Variants in CCDC32 observed in about 807,000 individuals in gnomAD.
CCDC32 encodes the protein coiled-coil domain-containing protein 32.
CCDC32 carries 9 observed loss-of-function variants against 20.1 expected under a neutral mutation model. The observed-to-expected ratio is 0.45, with a 90% confidence interval of 0.27 to 0.78. The LOEUF (loss-of-function observed/expected upper bound fraction) is 0.78, where lower values mean the gene tolerates loss of function less well. Among genes scored for constraint, CCDC32 ranks in the 30% least tolerant of loss-of-function variants. The pLI is 0.16. For synonymous variants in CCDC32, 63 were observed against 79.0 expected (o/e 0.80, Z 1.07); for missense variants, 204 against 215.5 (o/e 0.95, Z 0.33).
intron 3 of CCDC32, among the ~76,000 whole-genome samples, chr15:40,529,324 A>C (rs189516229): frequency 7.9e-5 from 12 of 152,342 alleles, no homozygotes; most frequent in African/African-American, 9.6e-5. Context: ...ACAGGAAAAG[A>C]GCACACCTTT....
At chr15:40,529,960 C>A (rs552340655), downstream of CCDC32, among the ~76,000 whole-genome samples, 12 of 151,278 alleles carry the variant, frequency 7.9e-5, no homozygotes, top group African/African-American at 2.4e-4. Context: ...TGCGCCCAGC[C>A]GGTTGGGATG....
At chr15:40,550,150 C>T (rs1889790753), downstream of CCDC32, among the ~76,000 whole-genome samples, 1 of 152,212 alleles carries the variant, frequency 6.6e-6, no homozygotes, top group African/African-American at 2.4e-5. Context: ...ATCTGCCTGG[C>T]TGCAGCCCAG....
downstream of CCDC32, among the ~76,000 whole-genome samples, chr15:40,526,784 G>C (rs1394257691): frequency 6.6e-6 from 1 of 152,120 alleles, no homozygotes; most frequent in Non-Finnish European, 1.5e-5. Context: ...ATGGTGGCAT[G>C]TGCCTGTAGT....
exon 4 of CCDC32, chr15:40,528,702 G>A (rs1296148016): frequency 5.7e-6 from 4 of 699,208 alleles, no homozygotes; most frequent in Admixed American, 4.1e-5. Context: ...TATGGGTGCA[G>A]GCCTTGTCCA....
At chr15:40,526,671 C>T (rs1378349504), downstream of CCDC32, among the ~76,000 whole-genome samples, 5 of 152,102 alleles carry the variant, frequency 3.3e-5, no homozygotes, top group South Asian at 2.1e-4. Context: ...CCAGCATTTT[C>T]GGAGGCCGAG....
chr15:40,536,688 CAG>C (rs1464996562), downstream of CCDC32: 3 of 152,336 alleles, frequency 2.0e-5, no homozygotes, highest in Admixed American at 6.5e-5. Flanking sequence ...CATCCCAGAA[CAG>C]GGGCCTCTCT....
At chr15:40,557,539 C>T (rs1373795274) in intron 2 of CCDC32, 167 bp from the exon 3 acceptor site, 1 of 614,898 alleles carries the variant, frequency 1.6e-6, no homozygotes, top group Non-Finnish European at 2.7e-6. Context: ...ATTGAACATT[C>T]TTCCTTTTTC....
downstream of CCDC32, among the ~76,000 whole-genome samples, chr15:40,530,291 CAAAAAAAAAAA>C (rs3068017): frequency 1.0e-5 from 1 of 99,562 alleles, no homozygotes; most frequent in East Asian, 2.9e-4. Flanking sequence ...AACTACATCT[CAAAAAAAAAAA>C]AAAAAAAAGT....
At chr15:40,522,558 T>C in the CCDC32 span, among the ~76,000 whole-genome samples, 26 of 152,266 alleles carry the variant, frequency 1.7e-4, no homozygotes, top group Non-Finnish European at 3.5e-4. Context: ...AAAACTGGCA[T>C]CTTAACCATG....
At chr15:40,526,300 A>G (rs4924478), downstream of CCDC32, among the ~76,000 whole-genome samples, 70,785 of 152,048 alleles carry the variant, frequency 0.47, 19,087 homozygotes, top group East Asian at 0.75. Flanking sequence ...CTCAATAAAT[A>G]TTTATTGATT....
downstream of CCDC32, chr15:40,535,519 T>C: frequency 1.0e-6 from 1 of 986,664 alleles, no homozygotes; most frequent in South Asian, 4.7e-5. Flanking sequence ...AGATTTATAG[T>C]TTTCAGGGCC....
chr15:40,548,393 G>A (rs1889709013), downstream of CCDC32, among the ~76,000 whole-genome samples: 1 of 152,168 alleles, frequency 6.6e-6, no homozygotes, highest in Non-Finnish European at 1.5e-5. Context: ...GCAGACTAGA[G>A]GGGGCTGCAA....
intron 2 of CCDC32, among the ~76,000 whole-genome samples, chr15:40,559,528 C>A (rs1032503563): frequency 6.6e-6 from 1 of 152,200 alleles, no homozygotes; most frequent in African/African-American, 2.4e-5. Flanking sequence ...GAATTTTCAT[C>A]CCCTAGGCCA....
intron 3 of CCDC32, among the ~76,000 whole-genome samples, chr15:40,545,172 A>G (rs750185607): frequency 2.0e-5 from 3 of 152,222 alleles, no homozygotes; most frequent in Admixed American, 6.5e-5. Flanking sequence ...TTGATCAGGC[A>G]CCATGCTGAA....
downstream of CCDC32, among the ~76,000 whole-genome samples, chr15:40,525,884 G>A (rs12595610): frequency 6.6e-6 from 1 of 151,922 alleles, no homozygotes; most frequent in African/African-American, 2.4e-5. Context: ...TCATACTTTG[G>A]TGTCTCTCCT....
At chr15:40,533,916 G>A (rs1032099975), downstream of CCDC32, among the ~76,000 whole-genome samples, 2 of 152,050 alleles carry the variant, frequency 1.3e-5, no homozygotes, top group Non-Finnish European at 2.9e-5. Flanking sequence ...ATATGTTCTC[G>A]CTATGCCGTT....
intron 1 of CCDC32, 23 bp downstream of exon 1, chr15:40,564,953 C>T: frequency 2.8e-6 from 2 of 701,900 alleles, no homozygotes; most frequent in Non-Finnish European, 4.8e-6. Flanking sequence ...AAACGCTGGG[C>T]ACCCCAGCCC....
chr15:40,562,744 T>C (rs761271238), intron 2 of CCDC32, 28 bp downstream of exon 2: 10 of 1,590,664 alleles, frequency 6.3e-6, no homozygotes, highest in East Asian at 4.5e-5. Flanking sequence ...AGAACTTCAA[T>C]ATGCTTCCCT....
downstream of CCDC32, among the ~76,000 whole-genome samples, chr15:40,526,827 C>T (rs929872472): frequency 2.0e-5 from 3 of 152,260 alleles, no homozygotes; most frequent in East Asian, 1.9e-4. Flanking sequence ...GCAGGAGAAT[C>T]GCTTGAACCT....
Sources: allele counts gnomAD v4.1 joint callset (sites outside exome capture counted in the v4.1 genomes callset), GRCh38; gene constraint gnomAD v4.1.1; transcripts MANE v1.5; gene names NCBI Gene and HGNC (gene_info 2026-07-23, HGNC 2026-07-21).